The following BRD10 variants were observed in gnomAD, a reference collection of about 807,000 sequenced individuals.
BRD10 encodes uncharacterized bromodomain-containing protein 10.
the BRD10 span, chr9:5,920,301 C>T: frequency 1.2e-4 from 192 of 1,613,940 alleles, no homozygotes; most frequent in Middle Eastern, 8.2e-4. Flanking sequence ...TGTGGTGGAA[C>T]AATAAACCGG....
At chr9:5,951,890 C>T in the BRD10 span, among the ~76,000 whole-genome samples, 1 of 152,096 alleles carries the variant, frequency 6.6e-6, no homozygotes, top group African/African-American at 2.4e-5. Flanking sequence ...GTAAACTAGG[C>T]ATAAGAACCA....
At chr9:6,008,152 C>G in the BRD10 span, 11 of 981,248 alleles carry the variant, frequency 1.1e-5, no homozygotes, top group Admixed American at 6.2e-5. Flanking sequence ...CGCCCCACCC[C>G]CTCCCGGGCC....
chr9:5,988,326 TTTTTTTCTTAACATTTACC>T, the BRD10 span: 1 of 1,586,896 alleles, frequency 6.3e-7, no homozygotes. Context: ...AAATTATGAA[TTTTTTTCTTAACATTTACC>T]TTTTTTCTTC....
the BRD10 span, chr9:5,890,720 A>AC: frequency 6.6e-6 from 1 of 152,210 alleles, no homozygotes; most frequent in African/African-American, 2.4e-5. Flanking sequence ...TGGGGAAAAC[A>AC]GAGGCCACAG....
the BRD10 span, among the ~76,000 whole-genome samples, chr9:5,965,513 T>G: frequency 6.6e-6 from 1 of 152,330 alleles, no homozygotes; most frequent in Non-Finnish European, 1.5e-5. Flanking sequence ...TTTGTTTTAT[T>G]TAGTCTAATT....
At chr9:5,994,220 T>C in the BRD10 span, among the ~76,000 whole-genome samples, 2 of 152,174 alleles carry the variant, frequency 1.3e-5, no homozygotes, top group Admixed American at 1.3e-4. Context: ...TCATTTTAAG[T>C]ATCTAGCTTA....
At chr9:5,889,067 A>T in the BRD10 span, among the ~76,000 whole-genome samples, 2 of 152,224 alleles carry the variant, frequency 1.3e-5, no homozygotes, top group Non-Finnish European at 2.9e-5. Flanking sequence ...GGTCTGATCC[A>T]CTACATCTTT....
At chr9:5,998,887 T>G in the BRD10 span, among the ~76,000 whole-genome samples, 1 of 152,148 alleles carries the variant, frequency 6.6e-6, no homozygotes, top group East Asian at 1.9e-4. Context: ...ATATAAATGG[T>G]TCTCATACTT....
chr9:5,949,589 A>C, the BRD10 span, among the ~76,000 whole-genome samples: 1 of 152,194 alleles, frequency 6.6e-6, no homozygotes, highest in African/African-American at 2.4e-5. Context: ...TCTTCTGCAA[A>C]GCAGCCTTTA....
the BRD10 span, among the ~76,000 whole-genome samples, chr9:5,972,305 A>G: frequency 6.6e-6 from 1 of 152,232 alleles, no homozygotes; most frequent in Non-Finnish European, 1.5e-5. Flanking sequence ...AAAGAGAAGG[A>G]GATTATAAAA....
chr9:5,911,253 C>T, the BRD10 span, among the ~76,000 whole-genome samples: 5 of 152,256 alleles, frequency 3.3e-5, no homozygotes, highest in East Asian at 9.6e-4. Flanking sequence ...TTTCATTCTT[C>T]TGCATACAGG....
At chr9:5,981,136 A>G in the BRD10 span, among the ~76,000 whole-genome samples, 11 of 152,356 alleles carry the variant, frequency 7.2e-5, no homozygotes, top group Non-Finnish European at 1.6e-4. Context: ...ATCTGTATCA[A>G]TAGGCAACCT....
the BRD10 span, chr9:5,968,280 G>A: frequency 1.2e-6 from 2 of 1,612,016 alleles, no homozygotes; most frequent in Non-Finnish European, 1.7e-6. Context: ...ATTTCTGGAT[G>A]ATCACTGTGA....
chr9:5,917,545 A>T, the BRD10 span, among the ~76,000 whole-genome samples: 2 of 152,198 alleles, frequency 1.3e-5, no homozygotes, highest in African/African-American at 4.8e-5. Flanking sequence ...GTTAGAAGAG[A>T]TTTAGTGGCT....
chr9:5,996,059 C>A, the BRD10 span, among the ~76,000 whole-genome samples: 1 of 152,098 alleles, frequency 6.6e-6, no homozygotes, highest in East Asian at 1.9e-4. Context: ...TGGAAAAGTT[C>A]TATGGACAAA....
At chr9:5,933,904 C>T in the BRD10 span, 1 of 463,302 alleles carries the variant, frequency 2.2e-6, no homozygotes, top group Admixed American at 2.4e-5. Context: ...AAAAGAGGGA[C>T]ATAAATAAAT....
the BRD10 span, among the ~76,000 whole-genome samples, chr9:5,952,364 T>G: frequency 2.4e-4 from 37 of 152,176 alleles, no homozygotes; most frequent in African/African-American, 8.9e-4. Flanking sequence ...ATTTTGACCA[T>G]GACCCATGGT....
chr9:5,960,646 T>C, the BRD10 span, among the ~76,000 whole-genome samples: 1 of 152,204 alleles, frequency 6.6e-6, no homozygotes, highest in Non-Finnish European at 1.5e-5. Context: ...TGAAAGTATC[T>C]TAAAACACCA....
chr9:6,005,091 T>C, the BRD10 span, among the ~76,000 whole-genome samples: 2 of 152,252 alleles, frequency 1.3e-5, no homozygotes, highest in African/African-American at 2.4e-5. Flanking sequence ...TTTCTAAATA[T>C]GGATACTATT....
Sources: gnomAD v4.1 joint callset for allele counts (sites outside exome capture counted in the v4.1 genomes callset) on GRCh38, gnomAD v4.1.1 for gene constraint, MANE v1.5 for transcripts, NCBI Gene and HGNC (gene_info 2026-07-23, HGNC 2026-07-21) for gene names.